Variants in FXYD2 observed in about 807,000 individuals in gnomAD.
FXYD2 encodes FXYD domain containing ion transport regulator 2.
Under a neutral mutation model 11.8 loss-of-function variants are expected in FXYD2, and 8 were observed. That is an observed-to-expected ratio of 0.68 (90% CI 0.40 to 1.22). FXYD2 has a LOEUF of 1.22. FXYD2 is among the 50% of genes most tolerant of loss of function. The pLI, the probability that FXYD2 is intolerant of heterozygous loss-of-function variation, is 0.01. For synonymous variants in FXYD2, 42 were observed against 33.3 expected, an observed-to-expected ratio of 1.26 and a Z score of -0.90; for missense variants, 92 against 91.8, an observed-to-expected ratio of 1.00 and a Z score of -0.01.
At chr11:117,820,420 T>C in intron 5 of FXYD2, 48 bp from the exon 6 acceptor site, 1 of 574,588 alleles carries the variant, frequency 1.7e-6, no homozygotes, top group Non-Finnish European at 3.1e-6. Flanking sequence ...CAGCAGAGGT[T>C]GGGGTTTTAC....
At position 117,822,024 on chromosome 11, in the gene FXYD2, T is replaced by G; in HGVS notation, c.139+382A>C. The G allele has an allele frequency of 2.5e-6, 3 of 1,195,006 alleles. No individual in the cohort carries two copies. The highest frequency in any genetic ancestry group is 5.3e-5 in the East Asian group (1 of 18,912). The allele number at this position is 1,195,006 out of a possible 1,614,324, so 74.0% of individuals were successfully genotyped here. ...TCTCAGAGCGCTGTCCTGACTGCCATGTCTTTGGATGCTAGCCCTAATCTT... is the reference window on the plus strand; with the variant it reads ...TCTCAGAGCGCTGTCCTGACTGCCAGGTCTTTGGATGCTAGCCCTAATCTT... On this transcript the variant is annotated intron_variant, in intron 3 of 5. Transcript: ENST00000292079. This position sits in a 1 kb window ranked among gnomAD's most constrained non-coding sequence, Gnocchi z 4.7.
Position 117,822,394 on chromosome 11 carries a change from C to T in FXYD2, c.139+12G>A, listed in dbSNP as rs1289102325. On this transcript the variant is annotated intron_variant, in intron 3 of 5. Transcript: ENST00000292079. The surrounding 1 kb of genome is among the most constrained non-coding windows in gnomAD (Gnocchi z 4.7). ...TGGTCAGCACCCCTTCCCTGGAGGC[C>T]ACCCCACTTACTGAGGAGGATGAGG... is the stretch of plus-strand genomic sequence containing the variant. 1.9e-6 allele frequency: 3 copies of T among 1,554,628 alleles called. No individual in the cohort carries two copies. The highest frequency in any genetic ancestry group is 2.4e-5 in the East Asian group (1 of 41,466).
At position 117,822,485 on chromosome 11, in the gene FXYD2, G is replaced by C; in HGVS notation, c.65-5C>G. ...CATTGCGAACGGTCTCATAGTCTCCGGAAAGAGAGGGCAAGAGGAGCGGGA... is the reference window on the plus strand; with the variant it reads ...CATTGCGAACGGTCTCATAGTCTCCCGAAAGAGAGGGCAAGAGGAGCGGGA... On this transcript the variant is annotated splice_region_variant and splice_polypyrimidine_tract_variant and intron_variant, in intron 2 of 5. Transcript: ENST00000292079. The surrounding 1 kb of genome is among the most constrained non-coding windows in gnomAD (Gnocchi z 4.7). 1 of 1,559,594 alleles carries C rather than the reference G, an allele frequency of 6.4e-7. No homozygotes were observed. The highest frequency in any genetic ancestry group is 8.7e-7 in the Non-Finnish European group (1 of 1,150,948).
rs1017774221 is a variant in FXYD2, at chr11:117,824,474, G to T, written c.25+180C>A. 4 of 669,402 alleles carry T rather than the reference G, an allele frequency of 6.0e-6. No individual in the cohort carries two copies. Among genetic ancestry groups the T allele is most frequent in the Non-Finnish European group, 1.1e-5 (4 of 364,686 alleles). The allele number at this position is 669,402 out of a possible 1,614,324, so 41.5% of individuals were successfully genotyped here. ...CTATCTTTCTTTGGGGTTAAAGCAG[G>T]GTCCTCCTTTAAGTTGCAAATTTTC... On this transcript the variant is annotated intron_variant, in intron 1 of 5. Coordinates refer to ENST00000292079, the MANE Select transcript of FXYD2 (RefSeq NM_001680.5). The surrounding 1 kb of genome is among the most constrained non-coding windows in gnomAD (Gnocchi z 4.0).
rs1480109995 is a variant in FXYD2, at chr11:117,822,575, G to C, written c.65-95C>G. On this transcript the variant is annotated intron_variant, in intron 2 of 5. Transcript: ENST00000292079. This position sits in a 1 kb window ranked among gnomAD's most constrained non-coding sequence, Gnocchi z 4.7. Reference sequence around the variant, plus strand: ...GCCCGCAGCAGCCCGTGGTAACCAGGGGAGATAAGGGGCACAGAGCATGGA... The same window carrying C: ...GCCCGCAGCAGCCCGTGGTAACCAGCGGAGATAAGGGGCACAGAGCATGGA... 6.4e-7 allele frequency: 1 copy of C among 1,566,162 alleles called. No homozygotes were observed. Among genetic ancestry groups the C allele is most frequent in the South Asian group, 1.2e-5 (1 of 85,208 alleles).
chr11:117,821,278 C>G (rs1309705308), intron 3 of FXYD2: 2 of 888,916 alleles, frequency 2.2e-6, no homozygotes, highest in Non-Finnish European at 2.7e-6. Flanking sequence ...CCAGGCTGGT[C>G]TTAAACTCCT....
chr11:117,820,542 A>C (rs2055873118), intron 5 of FXYD2, 124 bp downstream of exon 5: 3 of 1,231,870 alleles, frequency 2.4e-6, no homozygotes, highest in African/African-American at 1.5e-5. Context: ...GTGACAGACC[A>C]CCTGGCTGAT....
chr11:117,820,780 G>A (rs548244596), intron 4 of FXYD2, 79 bp downstream of exon 4: 1 of 1,613,360 alleles, frequency 6.2e-7, no homozygotes, highest in African/African-American at 1.3e-5. Context: ...ATCCTCCACT[G>A]TGTCAGAGAC....
chr11:117,825,210 C>A (rs1385904629), upstream of FXYD2, among the ~76,000 whole-genome samples: 2 of 152,120 alleles, frequency 1.3e-5, no homozygotes, highest in Non-Finnish European at 2.9e-5. Flanking sequence ...GCCCACTGCT[C>A]CCCCACCACA....
chr11:117,827,113 TAGATAGA>T (rs2056060100), upstream of FXYD2, among the ~76,000 whole-genome samples: 1 of 131,758 alleles, frequency 7.6e-6, no homozygotes, highest in Non-Finnish European at 1.6e-5. Context: ...GATAGATAGA[TAGATAGA>T]TAGATAGATA....
At chr11:117,825,723 G>T (rs574611439), upstream of FXYD2, among the ~76,000 whole-genome samples, 1 of 152,080 alleles carries the variant, frequency 6.6e-6, no homozygotes, top group Admixed American at 6.5e-5. Context: ...GACCTCCTTC[G>T]CCCCAGGACT....
chr11:117,820,406 G>T (rs944580820), intron 5 of FXYD2, 34 bp from the exon 6 acceptor site: 2 of 555,796 alleles, frequency 3.6e-6, no homozygotes, highest in Non-Finnish European at 6.3e-6. Flanking sequence ...GGTTGGGTGG[G>T]AGGCAGCAGA....
In FXYD2 at chr11:117,820,663, T is replaced by A; in HGVS notation, c.*6+3A>T. 1 of 1,613,890 alleles carries A rather than the reference T, an allele frequency of 6.2e-7. No individual in the cohort carries two copies. The highest frequency in any genetic ancestry group is 8.5e-7 in the Non-Finnish European group (1 of 1,179,910). Reference sequence around the variant, plus strand: ...GCACCTTCCCCAGGCCCTCCTAGCATACCTGCTGTTACGGCTCATCTTCAT... The same window carrying A: ...GCACCTTCCCCAGGCCCTCCTAGCAAACCTGCTGTTACGGCTCATCTTCAT... On this transcript the variant is annotated splice_donor_region_variant and intron_variant, in intron 5 of 5. Transcript: ENST00000292079.
At chr11:117,821,981 G>T in intron 3 of FXYD2, 1 of 1,109,954 alleles carries the variant, frequency 9.0e-7, no homozygotes, top group Non-Finnish European at 1.1e-6. Flanking sequence ...AGAACACTCC[G>T]AGTCTGCACT....
At position 117,822,684 on chromosome 11, in the gene FXYD2, T is replaced by C; in HGVS notation, c.59A>G (p.Tyr20Cys). ...GSPKGDVDPF[Y>C]YDYETVRNGG... Reference sequence around the variant, plus strand: ...GCGCAGGGGCCCAGGCTTACCATAGTAGAACGGGTCCACGTCCCCCTTGGG... The same window carrying C: ...GCGCAGGGGCCCAGGCTTACCATAGCAGAACGGGTCCACGTCCCCCTTGGG... The change falls in exon 2 of 6, where the codon TAC becomes TGC. Residue 20 changes from tyrosine to cysteine, a missense_variant. Coordinates refer to ENST00000292079, the MANE Select transcript of FXYD2 (RefSeq NM_001680.5). The surrounding 1 kb of genome is among the most constrained non-coding windows in gnomAD (Gnocchi z 4.7). 1 of 1,610,502 alleles carries C rather than the reference T, an allele frequency of 6.2e-7. No individual in the cohort carries two copies. Among genetic ancestry groups the C allele is most frequent in the African/African-American group, 1.3e-5 (1 of 74,916 alleles).
rs1036951266 is a variant in FXYD2 at position 117,822,332 on chromosome 11, G to A, written c.139+74C>T. 5.2e-6 allele frequency: 8 copies of A among 1,549,198 alleles called. No individual in the cohort carries two copies. In the African/African-American group the frequency reaches 8.2e-5, roughly 16 times the overall value. ...ACCCCTCCCTTGGCAACTCCCGAAA[G>A]CCAGCCTGCTCAGCGGCCTTGAGAA... On this transcript the variant is annotated intron_variant, in intron 3 of 5. Coordinates refer to ENST00000292079, the MANE Select transcript of FXYD2 (RefSeq NM_001680.5). This position sits in a 1 kb window ranked among gnomAD's most constrained non-coding sequence, Gnocchi z 4.7.
At chr11:117,826,217 A>G (rs899900028), upstream of FXYD2, among the ~76,000 whole-genome samples, 6 of 152,208 alleles carry the variant, frequency 3.9e-5, no homozygotes, top group Non-Finnish European at 7.3e-5. Context: ...CCACCCTCCA[A>G]TGAAAATGGG....
At position 117,824,404 on chromosome 11, in the gene FXYD2, C is replaced by T. The variant is rs1363451865; in HGVS notation, c.25+250G>A. 1.3e-5 allele frequency: 8 copies of T among 602,178 alleles called. No individual in the cohort carries two copies. The highest frequency in any genetic ancestry group is 3.8e-5 in the South Asian group (2 of 52,680). 37.3% of individuals were successfully genotyped at this position (602,178 alleles called of 1,614,324 possible). On this transcript the variant is annotated intron_variant, in intron 1 of 5. Transcript: ENST00000292079. The surrounding 1 kb of genome is among the most constrained non-coding windows in gnomAD (Gnocchi z 4.0). Reference sequence around the variant, plus strand: ...TGTGTGCCAGGAGGCCGAGGAGGAACGCTCAGCTCTCCAGCTTCTATCTGC... The same window carrying T: ...TGTGTGCCAGGAGGCCGAGGAGGAATGCTCAGCTCTCCAGCTTCTATCTGC...
chr11:117,823,849 C>A (rs1196852723), intron 1 of FXYD2, among the ~76,000 whole-genome samples: 2 of 152,230 alleles, frequency 1.3e-5, no homozygotes, highest in African/African-American at 2.4e-5. Context: ...CGGCCAGTCC[C>A]TGGGCCAGGA....
Sources: allele counts gnomAD v4.1 joint callset (sites outside exome capture counted in the v4.1 genomes callset), GRCh38; gene constraint gnomAD v4.1.1; non-coding constraint Gnocchi (gnomAD v3.1); transcripts MANE v1.5; gene names NCBI Gene and HGNC (gene_info 2026-07-23, HGNC 2026-07-21).